Variants in DRD2 observed in about 807,000 individuals in gnomAD.
The protein encoded by DRD2 is dopamine receptor D2, also known as D(2) dopamine receptor.
A neutral mutation model predicts 38.0 loss-of-function variants in DRD2; 8 were observed. That is an observed-to-expected ratio of 0.21 (90% CI 0.12 to 0.38). The LOEUF (loss-of-function observed/expected upper bound fraction) is 0.38, where lower values mean the gene tolerates loss of function less well. Among genes scored for constraint, DRD2 ranks in the 10% least tolerant of loss-of-function variants. The probability of loss-of-function intolerance (pLI) is 1.00; values close to 1 mark genes in which losing one functional copy is unlikely to be tolerated. For synonymous variants in DRD2, 230 were observed against 238.6 expected (o/e 0.96, Z 0.33); for missense variants, 403 against 607.7 (o/e 0.66, Z 3.54).
Position 113,410,640 on chromosome 11 carries a change from C to G in DRD2, c.*87G>C, listed in dbSNP as rs1457824454. ...TGAAGAGGAGGCCGATCCACCCAGG[C>G]CTTCCTGCTCACGGTTCGCAAGGGT... is the stretch of plus-strand genomic sequence containing the variant. On this transcript the variant is annotated 3_prime_UTR_variant, in exon 8 of 8. Transcript: ENST00000362072. The G allele has an allele frequency of 1.1e-5, 17 of 1,554,542 alleles. No homozygotes were observed. In the Admixed American group the frequency reaches 1.8e-4, roughly 17 times the overall value.
intron 6 of DRD2, among the ~76,000 whole-genome samples, 195 bp from the exon 7 acceptor site, chr11:113,413,078 C>G (rs897515035): frequency 1.3e-5 from 2 of 152,156 alleles, no homozygotes; most frequent in African/African-American, 2.4e-5. Flanking sequence ...TGCCCCTGTC[C>G]TTTTTCCCAT....
intron 1 of DRD2, among the ~76,000 whole-genome samples, chr11:113,468,085 C>G (rs1377196100): frequency 1.3e-5 from 2 of 152,210 alleles, no homozygotes; most frequent in East Asian, 3.8e-4. Context: ...AGAGTACTCA[C>G]TTTTCCCAGG....
chr11:113,468,360 T>C (rs1397786785), intron 1 of DRD2, among the ~76,000 whole-genome samples: 2 of 152,208 alleles, frequency 1.3e-5, no homozygotes, highest in East Asian at 3.8e-4. Flanking sequence ...TTCATAAAAC[T>C]CATGGTGAGG....
chr11:113,461,805 A>G (rs1002616841), intron 1 of DRD2, among the ~76,000 whole-genome samples: 2 of 152,222 alleles, frequency 1.3e-5, no homozygotes, highest in Non-Finnish European at 1.5e-5. Flanking sequence ...GACTATATAA[A>G]GCACTTAATA....
chr11:113,461,225 G>C (rs961230105), intron 1 of DRD2, among the ~76,000 whole-genome samples: 4 of 152,220 alleles, frequency 2.6e-5, no homozygotes, highest in African/African-American at 9.6e-5. Context: ...AGCACCATCA[G>C]CATCCCCTAT....
At chr11:113,431,369 AG>A (rs1950985747) in intron 1 of DRD2, among the ~76,000 whole-genome samples, 1 of 152,170 alleles carries the variant, frequency 6.6e-6, no homozygotes, top group South Asian at 2.1e-4. Context: ...CTTGCAGACA[AG>A]GTTCCATGGG....
At chr11:113,452,441 T>TGC (rs1343889197) in intron 1 of DRD2, among the ~76,000 whole-genome samples, 2 of 72,166 alleles carry the variant, frequency 2.8e-5, no homozygotes, top group African/African-American at 8.4e-5. Flanking sequence ...CATGCGTGTG[T>TGC]GTGTGTGTGT....
At position 113,424,468 on chromosome 11, in the gene DRD2, C is replaced by T. The variant is rs868401982; in HGVS notation, c.184G>A (p.Glu62Lys). 2 of 1,614,122 alleles carry T rather than the reference C, an allele frequency of 1.2e-6. No individual in the cohort carries two copies. The highest frequency in any genetic ancestry group is 1.3e-5 in the African/African-American group (1 of 74,948). ...TTGGTGGTGGTCTGCAGCGCCTTCT[C>T]GCGGGACACAGCCATGCACACCAGC... ...NVLVCMAVSR[E>K]KALQTTTNYL... Residue 62 changes from glutamate (E) to lysine (K), a missense_variant, in exon 2 of 8, where the codon GAG becomes AAG. Coordinates refer to ENST00000362072, the MANE Select transcript of DRD2 (RefSeq NM_000795.4).
At chr11:113,451,720 C>T (rs898496001) in intron 1 of DRD2, among the ~76,000 whole-genome samples, 5 of 152,066 alleles carry the variant, frequency 3.3e-5, no homozygotes, top group Non-Finnish European at 7.4e-5. Context: ...AAACTCCTGA[C>T]CTTAAGTGAT....
At chr11:113,417,970 G>T in intron 3 of DRD2, 57 bp downstream of exon 3, 1 of 1,435,608 alleles carries the variant, frequency 7.0e-7, no homozygotes. Context: ...GAGAAAAGCT[G>T]GGGCAGCCAG....
chr11:113,452,166 C>A (rs1368931306), intron 1 of DRD2, among the ~76,000 whole-genome samples: 1 of 152,164 alleles, frequency 6.6e-6, no homozygotes, highest in Non-Finnish European at 1.5e-5. Context: ...AGGTGGCTGA[C>A]CCCAAATCAT....
At chr11:113,454,577 C>T (rs1407738636) in intron 1 of DRD2, among the ~76,000 whole-genome samples, 1 of 152,122 alleles carries the variant, frequency 6.6e-6, no homozygotes, top group Non-Finnish European at 1.5e-5. Context: ...TGTACTTCGT[C>T]CTGGCTGAAG....
intron 1 of DRD2, among the ~76,000 whole-genome samples, chr11:113,427,673 A>G (rs1014346890): frequency 2.0e-5 from 3 of 152,190 alleles, no homozygotes; most frequent in African/African-American, 7.2e-5. Context: ...ACCTGCTAAC[A>G]TAGGCTACCA....
At chr11:113,436,342 G>A (rs374884598) in intron 1 of DRD2, among the ~76,000 whole-genome samples, 385 of 152,248 alleles carry the variant, frequency 2.5e-3, no homozygotes, top group Middle Eastern at 0.02. Context: ...AGATGGAGTG[G>A]GGAGAGCCTC....
At chr11:113,431,881 C>T (rs1322440076) in intron 1 of DRD2, among the ~76,000 whole-genome samples, 2 of 152,226 alleles carry the variant, frequency 1.3e-5, no homozygotes, top group East Asian at 1.9e-4. Flanking sequence ...CCCAGATACC[C>T]GGGGCTAAGC....
intron 5 of DRD2, 73 bp downstream of exon 5, chr11:113,415,348 T>C: frequency 1.3e-6 from 2 of 1,524,772 alleles, no homozygotes; most frequent in Middle Eastern, 2.4e-4. Context: ...AGCCCCCACC[T>C]GAGCATAAGA....
In DRD2 at chr11:113,429,314, G is replaced by A. The variant is rs577361806; in HGVS notation, c.-31-4632C>T. On this transcript the variant is annotated intron_variant, in intron 1 of 7. Coordinates refer to ENST00000362072, the MANE Select transcript of DRD2 (RefSeq NM_000795.4). The stretch of plus-strand genomic sequence containing the variant: ...GGCTGGAGTGCAGTGGGGCTATCTC[G>A]GCTCACTGCAAGCTCCGCCTCCTGG... Among the ~76,000 whole-genome samples the A allele has an allele frequency of 3.9e-5, 6 of 152,004 alleles. 1 individual carries two copies. The highest frequency in any genetic ancestry group is 4.8e-5 in the African/African-American group (2 of 41,422).
intron 6 of DRD2, chr11:113,413,403 C>A (rs1022335850): frequency 1.5e-5 from 8 of 516,480 alleles, no homozygotes; most frequent in African/African-American, 9.6e-5. Context: ...AAAAGGCTGA[C>A]CCCTGGGGCC....
intron 7 of DRD2, 88 bp from the exon 8 acceptor site, chr11:113,411,008 G>T: frequency 1.4e-6 from 2 of 1,427,420 alleles, no homozygotes; most frequent in African/African-American, 1.4e-5. Flanking sequence ...TGGCTCGTAT[G>T]CCAAGACGGT....
Sources: gnomAD v4.1 joint callset for allele counts (sites outside exome capture counted in the v4.1 genomes callset) on GRCh38, gnomAD v4.1.1 for gene constraint, MANE v1.5 for transcripts, NCBI Gene and HGNC (gene_info 2026-07-23, HGNC 2026-07-21) for gene names.